SLC25A21: variants seen among roughly 807,000 people sequenced by gnomAD.
The protein encoded by SLC25A21 is solute carrier family 25 member 21.
SLC25A21 carries 47 observed loss-of-function variants against 43.8 expected under a neutral mutation model. The observed-to-expected ratio is 1.07, with a 90% CI of 0.85 to 1.37. The LOEUF (loss-of-function observed/expected upper bound fraction) is 1.37. Among genes scored for constraint, SLC25A21 ranks in the 40% most tolerant of loss-of-function variants. The pLI, the probability that SLC25A21 is intolerant of heterozygous loss-of-function variation, is 0.00. For missense variants in SLC25A21, 352 were observed against 350.2 expected, an observed-to-expected ratio of 1.00 and a Z score of -0.04; for synonymous variants, 131 against 121.3, an observed-to-expected ratio of 1.08 and a Z score of -0.52.
intron 2 of SLC25A21, among the ~76,000 whole-genome samples, chr14:36,868,616 A>G (rs1190058088): frequency 2.0e-5 from 3 of 152,246 alleles, no homozygotes; most frequent in Non-Finnish European, 4.4e-5. Flanking sequence ...GTGAGTTTGA[A>G]GCAAGCCTCT....
intron 2 of SLC25A21, among the ~76,000 whole-genome samples, chr14:36,840,006 G>A (rs780596531): frequency 6.6e-6 from 1 of 152,142 alleles, no homozygotes; most frequent in African/African-American, 2.4e-5. Flanking sequence ...TCTGGGAGGT[G>A]GTCAAAAGTT....
intron 1 of SLC25A21, among the ~76,000 whole-genome samples, chr14:37,162,311 T>C (rs1343640437): frequency 6.6e-6 from 1 of 152,220 alleles, no homozygotes; most frequent in Non-Finnish European, 1.5e-5. Flanking sequence ...GCCATTGCTT[T>C]TGGTGTTTTA....
chr14:36,963,303 C>T (rs1959539081), intron 1 of SLC25A21, among the ~76,000 whole-genome samples: 2 of 152,108 alleles, frequency 1.3e-5, no homozygotes, highest in African/African-American at 2.4e-5. Flanking sequence ...TGCAAAAATG[C>T]TGCTTAGATC....
chr14:37,005,226 C>A (rs1357104573), intron 1 of SLC25A21, among the ~76,000 whole-genome samples: 1 of 148,386 alleles, frequency 6.7e-6, no homozygotes, highest in Non-Finnish European at 1.5e-5. Flanking sequence ...ACACACACCA[C>A]GATAAAAAGA....
chr14:36,851,387 T>G (rs540070797), intron 2 of SLC25A21, among the ~76,000 whole-genome samples: 59 of 152,300 alleles, frequency 3.9e-4, no homozygotes, highest in African/African-American at 1.3e-3. Context: ...GCTAACAAGT[T>G]GATACACATG....
chr14:37,040,329 G>A (rs57241014), intron 1 of SLC25A21, among the ~76,000 whole-genome samples: 1,095 of 32,998 alleles, frequency 0.033, 453 homozygotes, highest in African/African-American at 0.3. Flanking sequence ...AGGAAGAGGG[G>A]AAGGAAGGAA....
chr14:36,680,517 T>TTAAAG lies in SLC25A21; in HGVS notation c.*136_*140dup, dbSNP rs1382956723. On this transcript the variant is annotated 3_prime_UTR_variant, in exon 10 of 10. Transcript: ENST00000331299. ...ATCTCAAGTTGCCTATAGACATTTTTTAAAGTATTAAAATAGATTTTGTTC... is the reference window on the plus strand; with the variant it reads ...ATCTCAAGTTGCCTATAGACATTTTTTAAAGTAAAGTATTAAAATAGATTTTGTTC... The TTAAAG allele has an allele frequency of 8.4e-6, 11 of 1,313,266 alleles. No homozygotes were observed. The East Asian group carries it at 2.0e-4, about 23-fold the overall frequency. The allele number at this position is 1,313,266 out of a possible 1,614,324, so 81.4% of individuals were successfully genotyped here. A position where few individuals can be genotyped will look rare whatever the true frequency, so the allele number is the denominator to read the frequency against.
chr14:37,089,302 C>G (rs1333969220), intron 1 of SLC25A21, among the ~76,000 whole-genome samples: 1 of 152,090 alleles, frequency 6.6e-6, no homozygotes, highest in Non-Finnish European at 1.5e-5. Context: ...TTTCTACAGT[C>G]TTATGAAATA....
intron 6 of SLC25A21, among the ~76,000 whole-genome samples, chr14:36,719,660 G>C (rs764835833): frequency 1.9e-4 from 29 of 152,110 alleles, no homozygotes; most frequent in Non-Finnish European, 3.7e-4. Flanking sequence ...CTAATATGGT[G>C]GTAATTTAAG....
At chr14:36,908,210 T>C (rs966956100) in intron 1 of SLC25A21, among the ~76,000 whole-genome samples, 1 of 152,168 alleles carries the variant, frequency 6.6e-6, no homozygotes, top group Non-Finnish European at 1.5e-5. Context: ...TGAACCCTAA[T>C]GTAAACTATG....
chr14:37,018,448 C>T (rs1336028135), intron 1 of SLC25A21, among the ~76,000 whole-genome samples: 1 of 151,960 alleles, frequency 6.6e-6, no homozygotes, highest in African/African-American at 2.4e-5. Flanking sequence ...CATTGTATTC[C>T]ATATACATAC....
At chr14:37,162,172 C>T (rs1256941273) in intron 1 of SLC25A21, among the ~76,000 whole-genome samples, 3 of 151,952 alleles carry the variant, frequency 2.0e-5, no homozygotes, top group Non-Finnish European at 2.9e-5. Context: ...ACCCTGCCGA[C>T]GAAAGAAGAA....
chr14:37,067,206 T>A (rs1057104179), intron 1 of SLC25A21, among the ~76,000 whole-genome samples: 5 of 152,094 alleles, frequency 3.3e-5, no homozygotes, highest in Non-Finnish European at 7.4e-5. Context: ...AATTTATGAA[T>A]CCCAGTGAAT....
At chr14:37,130,918 T>C (rs918343165) in intron 1 of SLC25A21, among the ~76,000 whole-genome samples, 1 of 152,174 alleles carries the variant, frequency 6.6e-6, no homozygotes, top group African/African-American at 2.4e-5. Context: ...GCTAGCAGAA[T>C]ATGCTTCGTG....
intron 3 of SLC25A21, among the ~76,000 whole-genome samples, chr14:36,783,562 C>A (rs1887148769): frequency 6.6e-6 from 1 of 152,140 alleles, no homozygotes; most frequent in African/African-American, 2.4e-5. Context: ...GAGCCAGGCA[C>A]TCACTCAGTA....
intron 3 of SLC25A21, among the ~76,000 whole-genome samples, chr14:36,740,285 T>A (rs1015661807): frequency 6.6e-6 from 1 of 152,166 alleles, no homozygotes; most frequent in African/African-American, 2.4e-5. Context: ...ATCCCATTAG[T>A]GTGATTGTCT....
chr14:36,911,929 A>G (rs926714797), intron 1 of SLC25A21, among the ~76,000 whole-genome samples: 2 of 152,178 alleles, frequency 1.3e-5, no homozygotes, highest in Non-Finnish European at 2.9e-5. Flanking sequence ...TCTAGCCTAA[A>G]CTGAAGTTAC....
chr14:36,952,728 T>C (rs1045183954), intron 1 of SLC25A21, among the ~76,000 whole-genome samples: 16 of 152,146 alleles, frequency 1.1e-4, no homozygotes, highest in Non-Finnish European at 1.9e-4. Flanking sequence ...ACAAAAACAG[T>C]GATTCCTTAG....
chr14:36,695,437 A>G (rs1443928235), intron 7 of SLC25A21, among the ~76,000 whole-genome samples: 1 of 152,082 alleles, frequency 6.6e-6, no homozygotes, highest in East Asian at 1.9e-4. Context: ...GTTTTTTCCA[A>G]TTGTGTGAAG....
Sources: gnomAD v4.1 joint callset for allele counts (sites outside exome capture counted in the v4.1 genomes callset) on GRCh38, gnomAD v4.1.1 for gene constraint, MANE v1.5 for transcripts, NCBI Gene and HGNC (gene_info 2026-07-23, HGNC 2026-07-21) for gene names.